The following TRPC4AP variants were observed in gnomAD, a reference collection of about 807,000 sequenced individuals.
The protein encoded by TRPC4AP is transient receptor potential cation channel subfamily C member 4 associated protein, also known as short transient receptor potential channel 4-associated protein.
A neutral mutation model predicts 99.0 loss-of-function variants in TRPC4AP; 45 were observed. The ratio of observed to expected loss-of-function variants is 0.45; its 90% CI spans 0.36 to 0.58. The LOEUF is 0.58. TRPC4AP is among the 20% of genes least tolerant of loss of function. The probability of loss-of-function intolerance (pLI) is 0.00; values close to 1 mark genes in which losing one functional copy is unlikely to be tolerated. For missense variants in TRPC4AP, 879 were observed against 985.3 expected (o/e 0.89, Z 1.44); for synonymous variants, 408 against 385.8 (o/e 1.06, Z -0.67).
At chr20:35,068,959 AC>A (rs1169718533) in intron 3 of TRPC4AP, among the ~76,000 whole-genome samples, 6 of 44,120 alleles carry the variant, frequency 1.4e-4, no homozygotes, top group African/African-American at 3.1e-4. Flanking sequence ...ACACACACAC[AC>A]ACACACACAC....
chr20:35,046,140 CATTAAA>C (rs1433983509), intron 6 of TRPC4AP, among the ~76,000 whole-genome samples: 21 of 152,134 alleles, frequency 1.4e-4, no homozygotes, highest in Middle Eastern at 3.2e-3. Flanking sequence ...AATTCCAAAA[CATTAAA>C]ATTAAGTTCA....
In TRPC4AP at chr20:35,086,459, G is replaced by GTATATA. The variant is rs1569157406; in HGVS notation, c.168+6154_168+6155insTATATA. ...TGTGTGTGTGTGTGTGTGTGTGTGT[G>GTATATA]TGTGTGTGTGTGTGTGTATGTGTGT... On this transcript the variant is annotated intron_variant, in intron 1 of 18. Transcript: ENST00000252015. Among the ~76,000 whole-genome samples, 49 of 66,202 alleles carry GTATATA rather than the reference G, an allele frequency of 7.4e-4. 1 individual carries two copies. The highest frequency in any genetic ancestry group is 2.3e-3 in the African/African-American group (48 of 20,930). 43.4% of individuals were successfully genotyped at this position (66,202 alleles called of 152,430 possible). A position where few individuals can be genotyped will look rare whatever the true frequency, so the allele number is the denominator to read the frequency against.
At chr20:35,037,263 C>T (rs994422441) in intron 7 of TRPC4AP, among the ~76,000 whole-genome samples, 24 of 143,522 alleles carry the variant, frequency 1.7e-4, no homozygotes, top group Admixed American at 1.1e-3. Context: ...AGGAGAATGG[C>T]GTGAACCCAG....
intron 2 of TRPC4AP, among the ~76,000 whole-genome samples, chr20:35,070,674 A>G (rs919593135): frequency 3.9e-5 from 6 of 152,222 alleles, no homozygotes; most frequent in African/African-American, 1.4e-4. Context: ...CTGGGATTAC[A>G]GGCGTGAGTC....
intron 3 of TRPC4AP, among the ~76,000 whole-genome samples, chr20:35,062,846 G>A (rs1375702956): frequency 6.6e-6 from 1 of 152,182 alleles, no homozygotes; most frequent in Non-Finnish European, 1.5e-5. Context: ...TGGGTGACTT[G>A]TATGACATGA....
chr20:35,083,472 G>GA (rs2084705213), intron 1 of TRPC4AP, among the ~76,000 whole-genome samples: 1 of 151,638 alleles, frequency 6.6e-6, no homozygotes, highest in African/African-American at 2.4e-5. Context: ...AGCTGGGCGT[G>GA]ATGGTGGGCG....
chr20:35,084,144 A>G (rs147614901), intron 1 of TRPC4AP, among the ~76,000 whole-genome samples: 12,411 of 151,706 alleles, frequency 0.082, 592 homozygotes, highest in South Asian at 0.13. Flanking sequence ...TACTAAAAAT[A>G]CAAAAAAATT....
chr20:35,012,155 C>T (rs1422084554), intron 11 of TRPC4AP, among the ~76,000 whole-genome samples: 1 of 152,212 alleles, frequency 6.6e-6, no homozygotes, highest in Non-Finnish European at 1.5e-5. Flanking sequence ...CTTCCTGGAG[C>T]CCTTCTATGG....
intron 10 of TRPC4AP, among the ~76,000 whole-genome samples, chr20:35,015,031 C>T (rs2082717692): frequency 6.6e-6 from 1 of 152,126 alleles, no homozygotes; most frequent in Non-Finnish European, 1.5e-5. Flanking sequence ...AGTGTCTTTG[C>T]TCTGTCACCC....
At position 35,003,509 on chromosome 20, in the gene TRPC4AP, C is replaced by T. The variant is rs778762757; in HGVS notation, c.2157G>A (p.Lys719=). 3 of 1,614,076 alleles carry T rather than the reference C, an allele frequency of 1.9e-6. No homozygotes were observed. In the Admixed American group the frequency reaches 5.0e-5, roughly 27 times the overall value. ...TGTTGAGCAGGAAGCCGGGGTACTT[C>T]TTGCTGTGCTCCATCCGCTGCAGCA... is the stretch of plus-strand genomic sequence containing the variant. ...LRLLQRMEHS[K]KYPGFLLNNF... Residue 719 remains lysine (K), a synonymous_variant, in exon 18 of 19, where the codon AAG becomes AAA. Coordinates refer to ENST00000252015, the MANE Select transcript of TRPC4AP (RefSeq NM_015638.3).
intron 12 of TRPC4AP, 99 bp downstream of exon 12, chr20:35,010,088 G>A (rs978225237): frequency 2.2e-6 from 2 of 894,382 alleles, no homozygotes; most frequent in African/African-American, 1.6e-5. Context: ...GCATGTGAGA[G>A]AGGACACGCG....
At chr20:35,021,419 CGAACCTGCTCT>C in intron 8 of TRPC4AP, 63 bp from the exon 9 acceptor site, 1 of 1,570,778 alleles carries the variant, frequency 6.4e-7, no homozygotes, top group Non-Finnish European at 8.7e-7. Context: ...TTCTGCCCCT[CGAACCTGCTCT>C]GAACAGACTT....
chr20:35,023,014 T>G, intron 8 of TRPC4AP, among the ~76,000 whole-genome samples: 1 of 130,998 alleles, frequency 7.6e-6, no homozygotes, highest in East Asian at 2.3e-4. Flanking sequence ...GCGACAGAGC[T>G]GGACTGTCTC....
At chr20:35,079,170 A>G (rs2084560279) in intron 1 of TRPC4AP, among the ~76,000 whole-genome samples, 2 of 152,202 alleles carry the variant, frequency 1.3e-5, no homozygotes, top group South Asian at 2.1e-4. Context: ...ATTATCAGAA[A>G]TAAAGTGGGT....
At chr20:35,019,153 A>T (rs2082827006) in intron 9 of TRPC4AP, among the ~76,000 whole-genome samples, 1 of 152,188 alleles carries the variant, frequency 6.6e-6, no homozygotes, top group Non-Finnish European at 1.5e-5. Context: ...TGGCCAAGGA[A>T]ACCCTTCCCC....
chr20:35,030,611 A>T (rs1219234627), intron 8 of TRPC4AP, among the ~76,000 whole-genome samples: 1 of 152,082 alleles, frequency 6.6e-6, no homozygotes, highest in Non-Finnish European at 1.5e-5. Context: ...TTTTATATTT[A>T]CCCTCTTATT....
intron 15 of TRPC4AP, 115 bp downstream of exon 15, chr20:35,006,320 C>A (rs2082514785): frequency 1.6e-6 from 2 of 1,263,962 alleles, no homozygotes. Flanking sequence ...AAAGACTGCC[C>A]AGACTCCCCC....
In TRPC4AP at chr20:35,003,689, A is replaced by G; in HGVS notation, c.2050-73T>C. On this transcript the variant is annotated intron_variant, in intron 17 of 18. Coordinates refer to ENST00000252015, the MANE Select transcript of TRPC4AP (RefSeq NM_015638.3). The stretch of plus-strand genomic sequence containing the variant: ...TGGCCCCTGGTGAACCTGGGTAGCC[A>G]TCAGGCAGGGAGGAGAGTGGCCCCA... 2.0e-6 allele frequency: 3 copies of G among 1,511,836 alleles called. No homozygotes were observed. The South Asian group carries it at 3.6e-5, about 18-fold the overall frequency. 93.7% of individuals were successfully genotyped at this position (1,511,836 alleles called of 1,614,324 possible).
intron 9 of TRPC4AP, among the ~76,000 whole-genome samples, chr20:35,020,368 C>G (rs1465339389): frequency 6.6e-6 from 1 of 152,196 alleles, no homozygotes; most frequent in Non-Finnish European, 1.5e-5. Flanking sequence ...GCCCTCAGCC[C>G]TCCTCTCCTG....
Sources: gnomAD v4.1 joint callset for allele counts (sites outside exome capture counted in the v4.1 genomes callset) on GRCh38, gnomAD v4.1.1 for gene constraint, MANE v1.5 for transcripts, NCBI Gene and HGNC (gene_info 2026-07-23, HGNC 2026-07-21) for gene names.